Variants in CASD1 observed in about 807,000 individuals in gnomAD.
CASD1 encodes the protein N-acetylneuraminate (7)9-O-acetyltransferase.
Under a neutral mutation model 100.0 loss-of-function variants are expected in CASD1, and 41 were observed. That is an observed-to-expected ratio of 0.41 (90% CI 0.32 to 0.53). The LOEUF is 0.53. Ranked by LOEUF, CASD1 falls within the 20% of genes least tolerant of loss-of-function variation. The pLI, the probability that CASD1 is intolerant of heterozygous loss-of-function variation, is 0.25. For missense variants in CASD1, 774 were observed against 948.7 expected, an observed-to-expected ratio of 0.82 and a Z score of 2.42; for synonymous variants, 321 against 315.6, an observed-to-expected ratio of 1.02 and a Z score of -0.18.
At chr7:94,551,506 T>C (rs770448903) in intron 15 of CASD1, 28 bp downstream of exon 15, 2 of 1,193,634 alleles carry the variant, frequency 1.7e-6, no homozygotes, top group Admixed American at 6.9e-5. Flanking sequence ...TCCAAAATTC[T>C]AAATGGTATG....
the CASD1 span, chr7:94,588,412 A>C: frequency 3.3e-6 from 4 of 1,226,790 alleles, no homozygotes; most frequent in Non-Finnish European, 4.1e-6. Flanking sequence ...AGGGAACTTC[A>C]CTGAAGGAAA....
chr7:94,542,028 G>T (rs1005018923), intron 10 of CASD1, among the ~76,000 whole-genome samples: 7 of 152,098 alleles, frequency 4.6e-5, no homozygotes, highest in African/African-American at 1.7e-4. Flanking sequence ...GCCAACATTG[G>T]CAGGAACTTG....
the CASD1 span, among the ~76,000 whole-genome samples, chr7:94,608,369 T>C: frequency 6.6e-6 from 1 of 151,918 alleles, no homozygotes; most frequent in South Asian, 2.1e-4. Flanking sequence ...TCTAATAAAA[T>C]AGGTACAAGA....
At position 94,555,762 on chromosome 7, in the gene CASD1, C is replaced by T. The variant is rs540026140; in HGVS notation, c.*4C>T. On this transcript the variant is annotated 3_prime_UTR_variant, in exon 18 of 18. Transcript: ENST00000297273. ...TCAAGATAAATCAAAACATTAGGTTCCAAAAATTCTAAAAAACCTAAACTC... is the reference window on the plus strand; with the variant it reads ...TCAAGATAAATCAAAACATTAGGTTTCAAAAATTCTAAAAAACCTAAACTC... 6.2e-7 allele frequency: 1 copy of T among 1,606,508 alleles called. No individual in the cohort carries two copies.
the CASD1 span, among the ~76,000 whole-genome samples, chr7:94,608,453 T>C: frequency 2.7e-4 from 41 of 152,304 alleles, no homozygotes; most frequent in South Asian, 8.3e-3. Context: ...ATATTCCATG[T>C]TTAATGGATA....
intron 16 of CASD1, chr7:94,553,033 G>T: frequency 3.5e-6 from 1 of 284,720 alleles, no homozygotes; most frequent in Non-Finnish European, 6.9e-6. Flanking sequence ...TACTCTTATG[G>T]AGCCTACATT....
downstream of CASD1, among the ~76,000 whole-genome samples, chr7:94,559,560 C>G (rs755530987): frequency 6.6e-6 from 1 of 152,114 alleles, no homozygotes; most frequent in Non-Finnish European, 1.5e-5. Flanking sequence ...CAGTCTCGCT[C>G]TCTTGCCCAG....
At chr7:94,514,765 CTT>C (rs1038287869) in intron 1 of CASD1, among the ~76,000 whole-genome samples, 2 of 152,030 alleles carry the variant, frequency 1.3e-5, no homozygotes, top group Non-Finnish European at 2.9e-5. Context: ...AGTCCTGTCT[CTT>C]AGTTTCTTTG....
chr7:94,588,546 G>T, the CASD1 span: 1 of 1,496,196 alleles, frequency 6.7e-7, no homozygotes, highest in Admixed American at 2.1e-5. Flanking sequence ...ATTATTCTGA[G>T]GTTTTAAGTC....
At chr7:94,543,653 C>CA (rs35005944) in intron 10 of CASD1, among the ~76,000 whole-genome samples, 276 of 139,482 alleles carry the variant, frequency 2.0e-3, no homozygotes, top group Middle Eastern at 7.4e-3. Flanking sequence ...AGACTGTCTC[C>CA]AAAAAAAAAA....
At chr7:94,617,833 TA>T in the CASD1 span, 1 of 152,224 alleles carries the variant, frequency 6.6e-6, no homozygotes, top group Non-Finnish European at 1.5e-5. Flanking sequence ...AGTTCTCCTT[TA>T]AAGCTATCCT....
chr7:94,616,261 C>A, the CASD1 span, among the ~76,000 whole-genome samples: 17 of 152,260 alleles, frequency 1.1e-4, no homozygotes, highest in Admixed American at 7.9e-4. Context: ...TGCTGTTTAA[C>A]TGACTATACA....
At chr7:94,600,280 T>A in the CASD1 span, 2 of 231,908 alleles carry the variant, frequency 8.6e-6, no homozygotes, top group Admixed American at 1.0e-4. Context: ...TCACTTCTGA[T>A]CAAACTAACA....
chr7:94,618,180 A>G, the CASD1 span: 1 of 152,708 alleles, frequency 6.5e-6, no homozygotes, highest in Non-Finnish European at 1.5e-5. Flanking sequence ...CTTAATCATT[A>G]TAACAACTCT....
chr7:94,630,384 T>C, the CASD1 span, among the ~76,000 whole-genome samples: 1 of 151,994 alleles, frequency 6.6e-6, no homozygotes, highest in Non-Finnish European at 1.5e-5. Context: ...ATGCATTGGA[T>C]ACTTTTTCTG....
the CASD1 span, chr7:94,623,992 A>G: frequency 1.5e-4 from 58 of 388,854 alleles, no homozygotes; most frequent in Non-Finnish European, 2.4e-4. Flanking sequence ...ATACGGGCAA[A>G]TATTAGTAAA....
Position 94,537,516 on chromosome 7 carries a change from G to A in CASD1, c.888G>A (p.Lys296=). ...ATGTGTATTGCAATAAGATTTTGAA[G>A]CCTGTAGATGGGTCCTGTTGTCAAC... The part of the protein sequence containing the change: ...LMNVYCNKIL[K]PVDGSCCQPR... The change falls in exon 9 of 18, where the codon AAG becomes AAA. Residue 296 remains lysine, a synonymous_variant. Transcript: ENST00000297273. 1 of 1,611,844 alleles carries A rather than the reference G, an allele frequency of 6.2e-7. No individual in the cohort carries two copies. Among genetic ancestry groups the A allele is most frequent in the Admixed American group, 1.7e-5 (1 of 59,392 alleles).
At chr7:94,522,356 T>G (rs1794323980) in intron 3 of CASD1, among the ~76,000 whole-genome samples, 1 of 152,224 alleles carries the variant, frequency 6.6e-6, no homozygotes, top group Non-Finnish European at 1.5e-5. Context: ...GAAAGTCACT[T>G]TCTAATGACG....
chr7:94,544,365 G>A (rs1271362994), intron 10 of CASD1, 46 bp from the exon 11 acceptor site: 2 of 1,605,946 alleles, frequency 1.2e-6, no homozygotes, highest in Non-Finnish European at 1.7e-6. Context: ...AATCCAAGGT[G>A]TAGTTGATGC....
Sources: allele counts gnomAD v4.1 joint callset (sites outside exome capture counted in the v4.1 genomes callset), GRCh38; gene constraint gnomAD v4.1.1; transcripts MANE v1.5; gene names NCBI Gene and HGNC (gene_info 2026-07-23, HGNC 2026-07-21).